Variants in RIMS2 observed in about 807,000 individuals in gnomAD.
The protein encoded by RIMS2 is regulating synaptic membrane exocytosis 2.
RIMS2 carries 59 observed loss-of-function variants against 174.4 expected under a neutral mutation model. That is an observed-to-expected ratio of 0.34 (90% CI 0.27 to 0.42). The LOEUF (loss-of-function observed/expected upper bound fraction) is 0.42, where lower values mean the gene tolerates loss of function less well. Ranked by LOEUF, RIMS2 falls within the 10% of genes least tolerant of loss-of-function variation. The pLI, the probability that RIMS2 is intolerant of heterozygous loss-of-function variation, is 1.00. For missense variants in RIMS2, 1,620 were observed against 1,666.3 expected, an observed-to-expected ratio of 0.97 and a Z score of 0.48; for synonymous variants, 606 against 572.5, an observed-to-expected ratio of 1.06 and a Z score of -0.84.
chr8:103,696,662 T>G (rs1485636315), intron 1 of RIMS2, among the ~76,000 whole-genome samples: 1 of 151,358 alleles, frequency 6.6e-6, no homozygotes, highest in Non-Finnish European at 1.5e-5. Context: ...AGGTCAGGAG[T>G]TCGAGACCGG....
At chr8:104,118,716 A>T (rs1369464048) in intron 19 of RIMS2, among the ~76,000 whole-genome samples, 1 of 152,000 alleles carries the variant, frequency 6.6e-6, no homozygotes, top group Non-Finnish European at 1.5e-5. Context: ...GGCTGCTATA[A>T]CAAATTGACT....
chr8:103,926,509 A>G (rs2078807455), intron 10 of RIMS2, among the ~76,000 whole-genome samples: 1 of 151,558 alleles, frequency 6.6e-6, no homozygotes, highest in South Asian at 2.1e-4. Context: ...TCATGACTGA[A>G]TGACAGTCTG....
chr8:103,644,503 C>T (rs989312388), intron 1 of RIMS2, among the ~76,000 whole-genome samples: 9 of 152,046 alleles, frequency 5.9e-5, no homozygotes, highest in East Asian at 3.9e-4. Flanking sequence ...ATAATGTTAG[C>T]ATATTGTCAG....
At chr8:103,503,558 A>T (rs1276357447) in intron 1 of RIMS2, among the ~76,000 whole-genome samples, 1 of 151,966 alleles carries the variant, frequency 6.6e-6, no homozygotes, top group African/African-American at 2.4e-5. Flanking sequence ...TTACATTGAA[A>T]ATTAACATGT....
At chr8:103,843,183 A>G (rs1292111870) in intron 3 of RIMS2, among the ~76,000 whole-genome samples, 1 of 152,222 alleles carries the variant, frequency 6.6e-6, no homozygotes, top group African/African-American at 2.4e-5. Context: ...TTATTAATCA[A>G]GGATAAATCA....
At chr8:103,758,845 G>C (rs2098068286) in intron 2 of RIMS2, among the ~76,000 whole-genome samples, 1 of 152,102 alleles carries the variant, frequency 6.6e-6, no homozygotes, top group South Asian at 2.1e-4. Context: ...ATAGAGTTTG[G>C]GAAAAGTAAT....
At chr8:103,984,832 T>G (rs1262269877) in intron 16 of RIMS2, among the ~76,000 whole-genome samples, 2 of 152,218 alleles carry the variant, frequency 1.3e-5, no homozygotes, top group African/African-American at 4.8e-5. Context: ...AATGTATTTA[T>G]GCATGGTGGA....
At chr8:103,602,071 T>C (rs1469977608) in intron 1 of RIMS2, among the ~76,000 whole-genome samples, 1 of 152,110 alleles carries the variant, frequency 6.6e-6, no homozygotes, top group Non-Finnish European at 1.5e-5. Context: ...CTGCCACCTC[T>C]GCCTCCCAGG....
At chr8:103,953,776 C>A (rs1273349996) in intron 14 of RIMS2, among the ~76,000 whole-genome samples, 1 of 152,062 alleles carries the variant, frequency 6.6e-6, no homozygotes, top group East Asian at 1.9e-4. Context: ...GTAAAACAGG[C>A]TAAATGCCCC....
chr8:103,734,333 T>C (rs907401014), intron 2 of RIMS2, among the ~76,000 whole-genome samples: 2 of 144,656 alleles, frequency 1.4e-5, no homozygotes, highest in Non-Finnish European at 3.1e-5. Flanking sequence ...TTTTTTTTTT[T>C]TTAACATTTC....
chr8:103,655,216 C>A (rs1046889019), intron 1 of RIMS2, among the ~76,000 whole-genome samples: 6 of 151,890 alleles, frequency 4.0e-5, no homozygotes, highest in Admixed American at 2.0e-4. Context: ...TTTGTAGAAA[C>A]TGCTTAATAT....
At chr8:104,180,142 G>A (rs2098931637) in intron 19 of RIMS2, among the ~76,000 whole-genome samples, 1 of 151,718 alleles carries the variant, frequency 6.6e-6, no homozygotes, top group Admixed American at 6.6e-5. Flanking sequence ...ATGCTACCGT[G>A]AACAAACTTG....
intron 17 of RIMS2, among the ~76,000 whole-genome samples, chr8:103,994,660 A>G (rs1030804276): frequency 7.9e-5 from 12 of 152,276 alleles, no homozygotes; most frequent in East Asian, 5.8e-4. Context: ...GACCTTAGGT[A>G]GATTTTAGAG....
intron 1 of RIMS2, among the ~76,000 whole-genome samples, chr8:103,658,694 G>A (rs1359145802): frequency 2.0e-5 from 3 of 152,188 alleles, no homozygotes. Flanking sequence ...TTTAATGGAA[G>A]TGCTAATTAT....
rs1459097991 is a variant in RIMS2, at chr8:103,659,468, G to A, written c.177-37618G>A. Among the ~76,000 whole-genome samples the A allele has an allele frequency of 3.9e-5, 6 of 152,308 alleles. No homozygotes were observed. The East Asian group carries it at 1.2e-3, about 29-fold the overall frequency. ...AGGGCCCCAGGAAGAAGGTAGTCAA[G>A]CACAAGGCAGCTGAGGTGGCCCTCA... On this transcript the variant is annotated intron_variant, in intron 1 of 23. Coordinates refer to ENST00000504942, the Ensembl canonical transcript of RIMS2.
chr8:104,036,796 G>A (rs1041715973), intron 19 of RIMS2, among the ~76,000 whole-genome samples: 5 of 151,976 alleles, frequency 3.3e-5, no homozygotes, highest in Admixed American at 6.6e-5. Flanking sequence ...AGAATCGCTT[G>A]AACCCGGGAG....
rs562625111 is a variant in RIMS2, at chr8:103,774,460, G to C, written c.698+7923G>C. ...CAACAGGAGAATGGATAAACAAACTGTGGTATATTCAAGTATATTCAAATA... is the reference window on the plus strand; with the variant it reads ...CAACAGGAGAATGGATAAACAAACTCTGGTATATTCAAGTATATTCAAATA... On this transcript the variant is annotated intron_variant, in intron 3 of 23. Transcript: ENST00000504942. Among the ~76,000 whole-genome samples, 3 of 152,282 alleles carry C rather than the reference G, an allele frequency of 2.0e-5. No individual in the cohort carries two copies. In the South Asian group the frequency reaches 6.2e-4, roughly 32 times the overall value.
chr8:103,747,619 A>G (rs1243032662), intron 2 of RIMS2, among the ~76,000 whole-genome samples: 1 of 152,088 alleles, frequency 6.6e-6, no homozygotes, highest in African/African-American at 2.4e-5. Context: ...AGGTGGTGAG[A>G]TGTCATCTTT....
intron 3 of RIMS2, among the ~76,000 whole-genome samples, chr8:103,783,682 G>T (rs2098414287): frequency 6.6e-6 from 1 of 151,960 alleles, no homozygotes; most frequent in South Asian, 2.1e-4. Flanking sequence ...GGACATTTGG[G>T]TTGGTTCCAA....
Sources: allele counts gnomAD v4.1 joint callset (sites outside exome capture counted in the v4.1 genomes callset), GRCh38; gene constraint gnomAD v4.1.1; transcripts MANE v1.5; gene names NCBI Gene and HGNC (gene_info 2026-07-23, HGNC 2026-07-21).